PRKN: variants seen among roughly 807,000 people sequenced by gnomAD.
PRKN encodes the protein parkin RBR E3 ubiquitin protein ligase.
PRKN carries 56 observed loss-of-function variants against 59.5 expected under a neutral mutation model. The observed-to-expected ratio is 0.94, with a 90% CI of 0.76 to 1.18. The LOEUF (loss-of-function observed/expected upper bound fraction) is 1.18. Ranked by LOEUF, PRKN falls within the 50% of genes most tolerant of loss-of-function variation. The pLI is 0.00. For missense variants in PRKN, 657 were observed against 596.4 expected (o/e 1.10, Z -1.06); for synonymous variants, 250 against 222.1 (o/e 1.13, Z -1.12).
intron 1 of PRKN, among the ~76,000 whole-genome samples, chr6:162,696,047 A>G (rs1055321434): frequency 6.6e-6 from 1 of 152,170 alleles, no homozygotes; most frequent in Non-Finnish European, 1.5e-5. Context: ...TGCCTGGAAC[A>G]TGGTACTCAG....
At position 161,379,652 on chromosome 6, in the gene PRKN, C is replaced by G. The variant is rs981461982; in HGVS notation, c.1167+7142G>C. ...TCTTCCTTCTGCGGGAAGCCCACAT[C>G]GAAAACCTGGTCTATGCATAGGGAT... On this transcript the variant is annotated intron_variant, in intron 10 of 11. Transcript: ENST00000366898. The surrounding 1 kb of genome is among the most constrained non-coding windows in gnomAD (Gnocchi z 4.9). Among the ~76,000 whole-genome samples, 4 of 152,178 alleles carry G rather than the reference C, an allele frequency of 2.6e-5. No individual in the cohort carries two copies. The highest frequency in any genetic ancestry group is 2.1e-4 in the South Asian group (1 of 4,834).
chr6:162,715,623 C>A (rs745762264), intron 1 of PRKN, among the ~76,000 whole-genome samples: 87 of 152,196 alleles, frequency 5.7e-4, no homozygotes, highest in Non-Finnish European at 1.1e-3. Context: ...CGACAAGACA[C>A]AGCCACTTCC....
At chr6:162,004,255 C>T (rs1782164994) in intron 5 of PRKN, among the ~76,000 whole-genome samples, 1 of 152,126 alleles carries the variant, frequency 6.6e-6, no homozygotes, top group South Asian at 2.1e-4. Flanking sequence ...GTAGCACCAG[C>T]TGCTTCACCC....
At chr6:161,430,572 T>C (rs936320525) in intron 9 of PRKN, among the ~76,000 whole-genome samples, 1 of 151,912 alleles carries the variant, frequency 6.6e-6, no homozygotes, top group African/African-American at 2.4e-5. Context: ...TCCAAGCACT[T>C]TGGGGGGCCG....
intron 5 of PRKN, among the ~76,000 whole-genome samples, chr6:162,006,757 T>G (rs922294977): frequency 6.6e-6 from 1 of 152,178 alleles, no homozygotes; most frequent in African/African-American, 2.4e-5. Context: ...CCTCCCACCC[T>G]TCTCTTATTG....
intron 2 of PRKN, among the ~76,000 whole-genome samples, chr6:162,382,883 C>T (rs187021043): frequency 1.8e-4 from 27 of 152,322 alleles, no homozygotes; most frequent in African/African-American, 3.4e-4. Flanking sequence ...ATTTCAACAA[C>T]GTTCACAGCA....
chr6:162,163,779 T>C (rs1782859982), intron 4 of PRKN, among the ~76,000 whole-genome samples: 1 of 145,198 alleles, frequency 6.9e-6, no homozygotes, highest in African/African-American at 2.7e-5. Context: ...CTTGCACATT[T>C]ATATCCATGC....
chr6:161,809,622 A>T (rs192790926), intron 6 of PRKN, among the ~76,000 whole-genome samples: 71 of 152,350 alleles, frequency 4.7e-4, no homozygotes, highest in African/African-American at 1.5e-3. Flanking sequence ...AAGTCACCTT[A>T]TTCACTCATC....
chr6:162,440,483 G>A lies in PRKN; in HGVS notation c.171+2827C>T, dbSNP rs77543521. Among the ~76,000 whole-genome samples, 542 of 152,308 alleles carry A rather than the reference G, an allele frequency of 3.6e-3. 8 individuals carry two copies. The East Asian group carries it at 0.039, about 11-fold the overall frequency. On this transcript the variant is annotated intron_variant, in intron 2 of 11. Coordinates refer to ENST00000366898, the MANE Select transcript of PRKN (RefSeq NM_004562.3). ...AGAGATACTGCTCAGTATGTGGGGTGACCATTGCCTCAGTTTTCCTAGGAC... is the reference window on the plus strand; with the variant it reads ...AGAGATACTGCTCAGTATGTGGGGTAACCATTGCCTCAGTTTTCCTAGGAC...
At chr6:162,508,441 T>C (rs1442754750) in intron 1 of PRKN, among the ~76,000 whole-genome samples, 1 of 152,194 alleles carries the variant, frequency 6.6e-6, no homozygotes, top group African/African-American at 2.4e-5. Flanking sequence ...ATGAAAACGC[T>C]GTAGTGTCCC....
rs1779176871 is a variant in PRKN, at chr6:161,530,813, T to G, written c.1083+18041A>C. 6.6e-6 allele frequency among the ~76,000 whole-genome samples: 1 copy of G among 151,990 alleles called. No homozygotes were observed. Among genetic ancestry groups the G allele is most frequent in the South Asian group, 2.1e-4 (1 of 4,816 alleles). On this transcript the variant is annotated intron_variant, in intron 9 of 11. Transcript: ENST00000366898. The surrounding 1 kb of genome is among the most constrained non-coding windows in gnomAD (Gnocchi z 5.0). ...GATTACAGGCGTGAGCCACCACACCTGGCCCAAGGCTTGCTTCTTTTAAGA... is the reference window on the plus strand; with the variant it reads ...GATTACAGGCGTGAGCCACCACACCGGGCCCAAGGCTTGCTTCTTTTAAGA...
chr6:161,992,632 T>C (rs1781694113), intron 5 of PRKN, among the ~76,000 whole-genome samples: 1 of 152,192 alleles, frequency 6.6e-6, no homozygotes, highest in Middle Eastern at 3.2e-3. Context: ...AACATATTAT[T>C]AAGCTGCAGA....
chr6:161,909,045 G>A (rs189352498), intron 6 of PRKN, among the ~76,000 whole-genome samples: 121 of 152,354 alleles, frequency 7.9e-4, no homozygotes, highest in African/African-American at 2.6e-3. Context: ...ACGTGAGCCA[G>A]TGAGTCAATG....
intron 6 of PRKN, among the ~76,000 whole-genome samples, chr6:161,959,296 C>T (rs568609088): frequency 2.6e-5 from 4 of 152,234 alleles, no homozygotes; most frequent in South Asian, 4.2e-4. Context: ...GCAGCCGCAC[C>T]GAGAGGCTGA....
chr6:162,025,583 CTTTT>C (rs1177676968), intron 5 of PRKN, among the ~76,000 whole-genome samples: 4 of 59,004 alleles, frequency 6.8e-5, no homozygotes, highest in African/African-American at 2.2e-4. Flanking sequence ...ATCCATGGTG[CTTTT>C]TTTTTTTTTT....
Position 161,550,663 on chromosome 6 carries a change from C to T in PRKN, c.934-1660G>A, listed in dbSNP as rs9346865. On this transcript the variant is annotated intron_variant, in intron 8 of 11. Transcript: ENST00000366898. This position sits in a 1 kb window ranked among gnomAD's most constrained non-coding sequence, Gnocchi z 4.0. ...CAACTGTGAGTGGAGTGTAGTTCCC[C>T]GTTTCCTGAGAAGACAGGAGGCGGG... 0.48 allele frequency among the ~76,000 whole-genome samples: 73,129 copies of T among 151,494 alleles called. 17,893 individuals carry two copies. The highest frequency in any genetic ancestry group is 0.58 in the Middle Eastern group (169 of 292).
intron 6 of PRKN, among the ~76,000 whole-genome samples, chr6:161,952,610 C>G (rs1307358441): frequency 6.6e-6 from 1 of 152,054 alleles, no homozygotes; most frequent in Non-Finnish European, 1.5e-5. Flanking sequence ...CAGTGAGACT[C>G]CATCTCAAAA....
chr6:161,520,898 C>T (rs1240566860), intron 9 of PRKN, among the ~76,000 whole-genome samples: 1 of 152,202 alleles, frequency 6.6e-6, no homozygotes, highest in Non-Finnish European at 1.5e-5. Context: ...TAGTATCTGA[C>T]ATAGGGTCAA....
intron 7 of PRKN, among the ~76,000 whole-genome samples, chr6:161,712,757 A>G (rs1478703353): frequency 6.6e-6 from 1 of 152,132 alleles, no homozygotes; most frequent in African/African-American, 2.4e-5. Flanking sequence ...ATTCTCCCCA[A>G]TCTCCACCAT....
Sources: gnomAD v4.1 joint callset for allele counts (sites outside exome capture counted in the v4.1 genomes callset) on GRCh38, gnomAD v4.1.1 for gene constraint, Gnocchi (gnomAD v3.1) non-coding constraint, MANE v1.5 for transcripts, NCBI Gene and HGNC (gene_info 2026-07-23, HGNC 2026-07-21) for gene names.